MAP4K3: variants seen among roughly 807,000 people sequenced by gnomAD.
MAP4K3 encodes MAPK/ERK kinase kinase kinase 3.
MAP4K3 carries 94 observed loss-of-function variants against 143.5 expected under a neutral mutation model. The ratio of observed to expected loss-of-function variants is 0.65; its 90% CI spans 0.55 to 0.78. MAP4K3 has a LOEUF of 0.78. Ranked by LOEUF, MAP4K3 falls within the 30% of genes least tolerant of loss-of-function variation. MAP4K3 has a pLI of 0.00. For synonymous variants in MAP4K3, 416 were observed against 347.2 expected (o/e 1.20, Z -2.20); for missense variants, 1,077 against 1,068.1 (o/e 1.01, Z -0.12).
chr2:39,289,790 G>T (rs1252011456), intron 19 of MAP4K3, among the ~76,000 whole-genome samples: 1 of 152,080 alleles, frequency 6.6e-6, no homozygotes, highest in Non-Finnish European at 1.5e-5. Context: ...TACTTAGAAT[G>T]AACATTAAAT....
In MAP4K3 at chr2:39,260,717, G is replaced by C. The variant is rs1680534653; in HGVS notation, c.2197C>G (p.Gln733Glu). Residue 733 changes from glutamine (Q) to glutamate (E), a missense_variant, in exon 29 of 34, where the codon CAG becomes GAG. Around this residue, in one of 2 missense-constraint regions of MAP4K3, gnomAD observed 864 missense variants for 801.2 expected, o/e 1.08. Transcript: ENST00000263881. ...RMFEMLVVPE[Q>E]EYPLVCVGVS... ...CCAACACAAACTAAAGGGTACTCCTGTTCAGGAACTACCAGCATTTCAAAC... is the reference window on the plus strand; with the variant it reads ...CCAACACAAACTAAAGGGTACTCCTCTTCAGGAACTACCAGCATTTCAAAC... 1.2e-6 allele frequency: 2 copies of C among 1,613,576 alleles called. No individual in the cohort carries two copies. The highest frequency in any genetic ancestry group is 1.7e-6 in the Non-Finnish European group (2 of 1,179,514).
intron 1 of MAP4K3, among the ~76,000 whole-genome samples, chr2:39,434,078 G>A (rs1216986583): frequency 6.6e-6 from 1 of 152,102 alleles, no homozygotes; most frequent in Non-Finnish European, 1.5e-5. Context: ...CATTGAGTAG[G>A]AAAACATTTT....
chr2:39,427,548 T>G (rs923287507), intron 1 of MAP4K3, among the ~76,000 whole-genome samples: 3 of 152,074 alleles, frequency 2.0e-5, no homozygotes, highest in Non-Finnish European at 4.4e-5. Context: ...AGTAAGGTAG[T>G]GAATGAAATT....
At chr2:39,351,480 T>C (rs970827185) in intron 3 of MAP4K3, among the ~76,000 whole-genome samples, 4 of 151,892 alleles carry the variant, frequency 2.6e-5, no homozygotes, top group South Asian at 4.2e-4. Flanking sequence ...CTACTTCTCC[T>C]GTTAGATTAT....
chr2:39,371,484 G>T (rs911219984), intron 2 of MAP4K3, among the ~76,000 whole-genome samples: 1 of 152,178 alleles, frequency 6.6e-6, no homozygotes, highest in South Asian at 2.1e-4. Flanking sequence ...AATACACGTT[G>T]AATTTCCCTA....
chr2:39,379,848 C>G (rs1666314601), intron 1 of MAP4K3: 2 of 167,914 alleles, frequency 1.2e-5, no homozygotes, highest in South Asian at 2.0e-4. Context: ...TTTTTGTTAC[C>G]AATGACCACA....
chr2:39,274,160 GTATT>G (rs1162753659), intron 24 of MAP4K3, among the ~76,000 whole-genome samples: 1 of 151,274 alleles, frequency 6.6e-6, no homozygotes, highest in Non-Finnish European at 1.5e-5. Flanking sequence ...CAATGAAAAG[GTATT>G]TATGTATAGT....
chr2:39,326,868 G>A (rs1381422863), intron 8 of MAP4K3, among the ~76,000 whole-genome samples: 1 of 152,088 alleles, frequency 6.6e-6, no homozygotes, highest in Non-Finnish European at 1.5e-5. Flanking sequence ...TGTGAAGAAG[G>A]TGCCCGCTTT....
intron 1 of MAP4K3, among the ~76,000 whole-genome samples, chr2:39,390,024 G>A (rs1218371604): frequency 6.6e-6 from 1 of 152,090 alleles, no homozygotes; most frequent in Admixed American, 6.5e-5. Context: ...AATAATTTGG[G>A]GTCTTAGGTT....
At chr2:39,305,660 T>C (rs1288009211) in intron 15 of MAP4K3, among the ~76,000 whole-genome samples, 1 of 152,076 alleles carries the variant, frequency 6.6e-6, no homozygotes, top group East Asian at 1.9e-4. Context: ...AATCCCTCCA[T>C]TGTCACAAGA....
chr2:39,434,766 G>A (rs1006042262), intron 1 of MAP4K3, among the ~76,000 whole-genome samples: 15 of 152,348 alleles, frequency 9.8e-5, no homozygotes, highest in Middle Eastern at 3.4e-3. Context: ...GCAAAATGGA[G>A]TTAACAATAG....
At position 39,260,838 on chromosome 2, in the gene MAP4K3, G is replaced by C. The variant is rs1173219290; in HGVS notation, c.2137-61C>G. 11 of 1,184,342 alleles carry C rather than the reference G, an allele frequency of 9.3e-6. No homozygotes were observed. In the Middle Eastern group the frequency reaches 1.2e-3, roughly 129 times the overall value. 73.4% of individuals were successfully genotyped at this position (1,184,342 alleles called of 1,614,324 possible). A position where few individuals can be genotyped will look rare whatever the true frequency, so the allele number is the denominator to read the frequency against. The stretch of plus-strand genomic sequence containing the variant: ...AAATAAAAACCGAATAATTCTATGA[G>C]AATACTATAAAACAGCTTTCTACAA... On this transcript the variant is annotated intron_variant, in intron 28 of 33. Coordinates refer to ENST00000263881, the MANE Select transcript of MAP4K3 (RefSeq NM_003618.4).
intron 15 of MAP4K3, among the ~76,000 whole-genome samples, chr2:39,302,366 TA>T (rs1374432817): frequency 6.6e-6 from 1 of 152,174 alleles, no homozygotes; most frequent in African/African-American, 2.4e-5. Context: ...TAAATCCTTC[TA>T]AAAAGTTTCT....
At position 39,263,595 on chromosome 2, in the gene MAP4K3, C is replaced by T. The variant is rs77421087; in HGVS notation, c.2136+1608G>A. On this transcript the variant is annotated intron_variant, in intron 28 of 33. Transcript: ENST00000263881. ...CGCCCGGCCCATATAGAAGTCTTGACGCAGAGAGACACGGAAAGGAAAGCT... is the reference window on the plus strand; with the variant it reads ...CGCCCGGCCCATATAGAAGTCTTGATGCAGAGAGACACGGAAAGGAAAGCT... Among the ~76,000 whole-genome samples, 1,283 of 152,026 alleles carry T rather than the reference C, an allele frequency of 8.4e-3. 12 individuals are homozygous for T. The highest frequency in any genetic ancestry group is 0.014 in the Non-Finnish European group (939 of 67,966).
At chr2:39,367,378 G>C (rs887611772) in intron 2 of MAP4K3, among the ~76,000 whole-genome samples, 2 of 151,606 alleles carry the variant, frequency 1.3e-5, no homozygotes, top group Non-Finnish European at 2.9e-5. Context: ...CTCATCTGTA[G>C]AAAAATTAAA....
chr2:39,431,883 T>C (rs1252023008), intron 1 of MAP4K3, among the ~76,000 whole-genome samples: 1 of 152,052 alleles, frequency 6.6e-6, no homozygotes, highest in Non-Finnish European at 1.5e-5. Context: ...ACAAAGCTAG[T>C]GGGTGGTGAA....
chr2:39,260,709 G>A lies in MAP4K3; in HGVS notation c.2205C>T (p.Tyr735=), dbSNP rs565488748. 322 of 1,613,604 alleles carry A rather than the reference G, an allele frequency of 2.0e-4. 4 individuals carry two copies. In the South Asian group the frequency reaches 2.7e-3, roughly 14 times the overall value. Residue 735 remains tyrosine, a synonymous_variant, in exon 29 of 34, where the codon TAC becomes TAT. Coordinates refer to ENST00000263881, the MANE Select transcript of MAP4K3 (RefSeq NM_003618.4). The part of the protein sequence containing the change: ...FEMLVVPEQE[Y]PLVCVGVSRG... Reference sequence around the variant, plus strand: ...TACTGACACCAACACAAACTAAAGGGTACTCCTGTTCAGGAACTACCAGCA... The same window carrying A: ...TACTGACACCAACACAAACTAAAGGATACTCCTGTTCAGGAACTACCAGCA...
At chr2:39,373,441 T>C (rs1666134747) in intron 2 of MAP4K3, among the ~76,000 whole-genome samples, 1 of 152,132 alleles carries the variant, frequency 6.6e-6, no homozygotes, top group Non-Finnish European at 1.5e-5. Flanking sequence ...CCTAGATACA[T>C]ACTCAAAAGA....
intron 1 of MAP4K3, among the ~76,000 whole-genome samples, chr2:39,393,783 G>C (rs1666732100): frequency 6.6e-6 from 1 of 152,052 alleles, no homozygotes; most frequent in Non-Finnish European, 1.5e-5. Flanking sequence ...ACTTGCTCAA[G>C]TCCCATAGCA....
Sources: gnomAD v4.1 joint callset for allele counts (sites outside exome capture counted in the v4.1 genomes callset) on GRCh38, gnomAD v4.1.1 for gene constraint, gnomAD v4.1.1 regional missense constraint, MANE v1.5 for transcripts, NCBI Gene and HGNC (gene_info 2026-07-23, HGNC 2026-07-21) for gene names.